Variants in KLRG1 observed in about 807,000 individuals in gnomAD.
KLRG1 encodes killer cell lectin like receptor G1, also known as killer cell lectin-like receptor subfamily G member 1.
KLRG1 carries 16 observed loss-of-function variants against 21.8 expected under a neutral mutation model. The ratio of observed to expected loss-of-function variants is 0.73; its 90% CI spans 0.50 to 1.11. The LOEUF (loss-of-function observed/expected upper bound fraction) is 1.11, where lower values mean the gene tolerates loss of function less well. KLRG1 is among the 50% of genes most tolerant of loss of function. The pLI is 0.00. For synonymous variants in KLRG1, 69 were observed against 75.9 expected (o/e 0.91, Z 0.47); for missense variants, 173 against 218.3 (o/e 0.79, Z 1.31).
In KLRG1 at chr12:8,983,110, GT is replaced by G. The variant is rs1050141733; in HGVS notation, c.-155-9088del. Among the ~76,000 whole-genome samples the G allele has an allele frequency of 1.3e-5, 2 of 150,638 alleles. 1 individual carries two copies. Among genetic ancestry groups the G allele is most frequent in the South Asian group, 4.2e-4 (2 of 4,754 alleles). ...ATTTGCCTTATCTGTTTTACTTTCTGTTTTTTTTAAAGAAATTAAGATGGGA... is the reference window on the plus strand; with the variant it reads ...ATTTGCCTTATCTGTTTTACTTTCTGTTTTTTTAAAGAAATTAAGATGGGA... On this transcript the variant is annotated intron_variant, in intron 1 of 4. Coordinates refer to the KLRG1 transcript ENST00000539240.
At chr12:9,103,492 T>C in the KLRG1 span, among the ~76,000 whole-genome samples, 1 of 152,168 alleles carries the variant, frequency 6.6e-6, no homozygotes, top group African/African-American at 2.4e-5. Flanking sequence ...ATTAAGTATA[T>C]CTGTTGTGCA....
the KLRG1 span, chr12:9,196,795 G>A: frequency 6.4e-6 from 6 of 932,668 alleles, no homozygotes; most frequent in Non-Finnish European, 1.0e-5. Context: ...CATTAAGTAA[G>A]TTAATTGACC....
intron 1 of KLRG1, among the ~76,000 whole-genome samples, chr12:8,951,029 C>G (rs1445433336): frequency 7.9e-6 from 1 of 127,082 alleles, no homozygotes; most frequent in African/African-American, 2.6e-5. Flanking sequence ...TGGATGTTGC[C>G]CCAATAAAAA....
chr12:9,077,809 G>A, the KLRG1 span: 1 of 1,614,198 alleles, frequency 6.2e-7, no homozygotes, highest in African/African-American at 1.3e-5. Context: ...CATCGATGAA[G>A]ATGTAGGCTC....
At chr12:9,113,461 T>G in the KLRG1 span, 2 of 1,613,856 alleles carry the variant, frequency 1.2e-6, no homozygotes, top group Non-Finnish European at 1.7e-6. Flanking sequence ...ACAGTCACTG[T>G]CTCATTCAGG....
intron 3 of KLRG1, among the ~76,000 whole-genome samples, chr12:9,003,466 G>T (rs1407148486): frequency 6.6e-6 from 1 of 151,142 alleles, no homozygotes. Context: ...CCAATTTTGT[G>T]AAAATATTAA....
the KLRG1 span, among the ~76,000 whole-genome samples, chr12:9,049,106 G>C: frequency 6.6e-6 from 1 of 152,222 alleles, no homozygotes; most frequent in African/African-American, 2.4e-5. Context: ...ACAGAGAAAG[G>C]TCAGTGAGTC....
At chr12:9,061,919 C>G in the KLRG1 span, among the ~76,000 whole-genome samples, 1 of 151,928 alleles carries the variant, frequency 6.6e-6, no homozygotes, top group South Asian at 2.1e-4. Flanking sequence ...AACCAACCCC[C>G]CAAAATATGG....
the KLRG1 span, chr12:9,163,691 CTG>C: frequency 6.2e-7 from 1 of 1,613,776 alleles, no homozygotes; most frequent in Non-Finnish European, 8.5e-7. Flanking sequence ...GTTTTGATGA[CTG>C]TGTCTTTTCT....
the KLRG1 span, among the ~76,000 whole-genome samples, chr12:9,104,705 TGTC>T: frequency 6.6e-6 from 1 of 152,108 alleles, no homozygotes; most frequent in Non-Finnish European, 1.5e-5. Context: ...ACCTGAAAAA[TGTC>T]TTCTAGATAT....
At chr12:9,112,035 A>G in the KLRG1 span, 1 of 907,752 alleles carries the variant, frequency 1.1e-6, no homozygotes, top group Non-Finnish European at 1.9e-6. Context: ...GTGCTGTTGT[A>G]ATGCCAGAAG....
At chr12:9,192,257 C>A in the KLRG1 span, 13 of 1,613,732 alleles carry the variant, frequency 8.1e-6, no homozygotes, top group Non-Finnish European at 1.1e-5. Context: ...TAGCCATGAT[C>A]TGAAATGAAA....
chr12:9,050,854 G>A, the KLRG1 span, among the ~76,000 whole-genome samples: 2 of 152,194 alleles, frequency 1.3e-5, no homozygotes, highest in Non-Finnish European at 2.9e-5. Flanking sequence ...ACTCCTGTTC[G>A]CAAGCTCAGG....
At chr12:9,158,706 A>G in the KLRG1 span, 1 of 818,764 alleles carries the variant, frequency 1.2e-6, no homozygotes, top group Non-Finnish European at 1.7e-6. Flanking sequence ...GAGAGTTTGG[A>G]GACTTTTTCT....
the KLRG1 span, among the ~76,000 whole-genome samples, chr12:9,069,998 C>A: frequency 2.0e-5 from 3 of 152,294 alleles, no homozygotes; most frequent in African/African-American, 7.2e-5. Context: ...ATTAGTATAA[C>A]ACACGACTAA....
At chr12:9,196,889 T>G in the KLRG1 span, 1 of 844,980 alleles carries the variant, frequency 1.2e-6, no homozygotes, top group Non-Finnish European at 1.9e-6. Flanking sequence ...AGAACAGAAA[T>G]TCGTTTTTTG....
the KLRG1 span, among the ~76,000 whole-genome samples, chr12:9,120,772 C>G: frequency 2.0e-5 from 3 of 151,526 alleles, no homozygotes; most frequent in African/African-American, 7.3e-5. Flanking sequence ...GCAAAATCTG[C>G]AGTGAAGGAA....
At chr12:8,975,002 T>G (rs1375083367) in intron 1 of KLRG1, among the ~76,000 whole-genome samples, 1 of 151,910 alleles carries the variant, frequency 6.6e-6, no homozygotes, top group Non-Finnish European at 1.5e-5. Flanking sequence ...TTCAAGCAAT[T>G]CTCCTACCTC....
the KLRG1 span, among the ~76,000 whole-genome samples, chr12:9,125,142 A>G: frequency 6.6e-6 from 1 of 152,230 alleles, no homozygotes; most frequent in African/African-American, 2.4e-5. Context: ...TACAGTGCAG[A>G]GAGGAGCAAG....
Sources: allele counts gnomAD v4.1 joint callset (sites outside exome capture counted in the v4.1 genomes callset), GRCh38; gene constraint gnomAD v4.1.1; transcripts MANE v1.5; gene names NCBI Gene and HGNC (gene_info 2026-07-23, HGNC 2026-07-21).